KHDRBS2: variants seen among roughly 807,000 people sequenced by gnomAD.
KHDRBS2 encodes KH RNA binding domain containing, signal transduction associated 2, also known as KH domain-containing, RNA-binding, signal transduction-associated protein 2.
Under a neutral mutation model 44.3 loss-of-function variants are expected in KHDRBS2, and 26 were observed. The ratio of observed to expected loss-of-function variants is 0.59; its 90% confidence interval spans 0.43 to 0.81. KHDRBS2 has a LOEUF of 0.81. KHDRBS2 is among the 40% of genes least tolerant of loss of function. The pLI is 0.00. For synonymous variants in KHDRBS2, 194 were observed against 151.1 expected, an observed-to-expected ratio of 1.28 and a Z score of -2.08; for missense variants, 476 against 433.1, an observed-to-expected ratio of 1.10 and a Z score of -0.88.
At chr6:62,184,834 C>G (rs1406257490) in intron 1 of KHDRBS2, among the ~76,000 whole-genome samples, 2 of 151,638 alleles carry the variant, frequency 1.3e-5, no homozygotes, top group East Asian at 3.9e-4. Flanking sequence ...CTTGTACTTG[C>G]TTTTATATAA....
chr6:61,856,819 A>C (rs947589582), intron 6 of KHDRBS2, among the ~76,000 whole-genome samples: 1 of 152,064 alleles, frequency 6.6e-6, no homozygotes, highest in Admixed American at 6.6e-5. Context: ...AGGTCAAGGC[A>C]TATCCCTCGG....
intron 3 of KHDRBS2, among the ~76,000 whole-genome samples, chr6:62,021,130 G>A (rs1386593431): frequency 6.6e-6 from 1 of 151,892 alleles, no homozygotes; most frequent in Non-Finnish European, 1.5e-5. Context: ...GACAAGAACA[G>A]AAATCCAAAT....
At chr6:61,958,287 C>T (rs1456385440) in intron 4 of KHDRBS2, among the ~76,000 whole-genome samples, 1 of 152,082 alleles carries the variant, frequency 6.6e-6, no homozygotes, top group Admixed American at 6.6e-5. Flanking sequence ...GCTGTTTCTG[C>T]ATATCCTGTA....
At chr6:61,877,434 T>C (rs1799577361) in intron 6 of KHDRBS2, among the ~76,000 whole-genome samples, 1 of 141,788 alleles carries the variant, frequency 7.1e-6, no homozygotes, top group Non-Finnish European at 1.5e-5. Context: ...ATCAGAAAGT[T>C]TTTTTTTTGT....
At chr6:61,812,881 G>A (rs146777578) in intron 6 of KHDRBS2, among the ~76,000 whole-genome samples, 70 of 151,870 alleles carry the variant, frequency 4.6e-4, no homozygotes, top group African/African-American at 1.5e-3. Flanking sequence ...CCTTGGCCTC[G>A]GCGTATTTTC....
the KHDRBS2 span, among the ~76,000 whole-genome samples, chr6:61,589,831 A>G: frequency 9.9e-5 from 15 of 152,202 alleles, no homozygotes; most frequent in Admixed American, 2.6e-4. Context: ...TCCCTTACAG[A>G]GGACTATAAA....
At chr6:61,974,551 C>T (rs1772109916) in intron 4 of KHDRBS2, among the ~76,000 whole-genome samples, 2 of 152,166 alleles carry the variant, frequency 1.3e-5, no homozygotes, top group South Asian at 4.2e-4. Context: ...TTTAATACTT[C>T]ACCTCCCAAA....
chr6:62,217,679 T>G (rs1333848830), intron 1 of KHDRBS2, among the ~76,000 whole-genome samples: 1 of 151,872 alleles, frequency 6.6e-6, no homozygotes, highest in African/African-American at 2.4e-5. Flanking sequence ...AGTCTGAGTC[T>G]AATAAAAGTG....
chr6:61,681,129 C>A, intron 8 of KHDRBS2, 69 bp from the exon 9 acceptor site: 1 of 1,028,758 alleles, frequency 9.7e-7, no homozygotes. Flanking sequence ...ATTTAAGACA[C>A]AATAGTTGAC....
chr6:62,118,428 T>C (rs1806807193), intron 2 of KHDRBS2, among the ~76,000 whole-genome samples: 1 of 152,188 alleles, frequency 6.6e-6, no homozygotes, highest in Non-Finnish European at 1.5e-5. Flanking sequence ...TTTTTATTGC[T>C]AAGGAGAATG....
chr6:61,557,388 TAGAG>T, the KHDRBS2 span, among the ~76,000 whole-genome samples: 1 of 152,154 alleles, frequency 6.6e-6, no homozygotes, highest in African/African-American at 2.4e-5. Context: ...AGAATATATA[TAGAG>T]AGTGTCTCTC....
At chr6:62,260,366 T>C (rs1213582679) in intron 1 of KHDRBS2, among the ~76,000 whole-genome samples, 2 of 152,000 alleles carry the variant, frequency 1.3e-5, no homozygotes, top group East Asian at 1.9e-4. Flanking sequence ...TGACCTTTTG[T>C]CAATATAATT....
the KHDRBS2 span, among the ~76,000 whole-genome samples, chr6:61,587,507 C>A: frequency 3.7e-4 from 56 of 152,024 alleles, no homozygotes; most frequent in Non-Finnish European, 6.3e-4. Flanking sequence ...TGTGGTATTT[C>A]AATAGAAAAC....
At chr6:62,230,660 A>C (rs2150158818) in intron 1 of KHDRBS2, among the ~76,000 whole-genome samples, 1 of 152,288 alleles carries the variant, frequency 6.6e-6, no homozygotes, top group East Asian at 1.9e-4. Flanking sequence ...TTAATGTTTA[A>C]TTATTACTAT....
intron 6 of KHDRBS2, among the ~76,000 whole-genome samples, chr6:61,871,897 T>C (rs1325810312): frequency 7.7e-6 from 1 of 129,356 alleles, no homozygotes; most frequent in Non-Finnish European, 1.5e-5. Flanking sequence ...GAATCGTGAG[T>C]ACACATGGAC....
chr6:61,859,950 A>G, intron 6 of KHDRBS2, among the ~76,000 whole-genome samples: 1 of 151,982 alleles, frequency 6.6e-6, no homozygotes, highest in East Asian at 1.9e-4. Flanking sequence ...AAGCCTGAGA[A>G]TGAGAGGAAT....
At chr6:61,817,077 A>T (rs1789075140) in intron 6 of KHDRBS2, 2 of 405,210 alleles carry the variant, frequency 4.9e-6, no homozygotes, top group African/African-American at 2.1e-5. Flanking sequence ...TTCTAAAAAA[A>T]CTTTCCACAA....
chr6:62,227,766 C>CATCTGTTG lies in KHDRBS2; in HGVS notation c.92-50462_92-50455dup, dbSNP rs537930298. Among the ~76,000 whole-genome samples, 381 of 152,294 alleles carry CATCTGTTG rather than the reference C, an allele frequency of 2.5e-3. 3 individuals are homozygous for CATCTGTTG. Among genetic ancestry groups the CATCTGTTG allele is most frequent in the African/African-American group, 8.4e-3 (349 of 41,544 alleles). On this transcript the variant is annotated intron_variant, in intron 1 of 8. Coordinates refer to ENST00000281156, the MANE Select transcript of KHDRBS2 (RefSeq NM_152688.4). ...TGAATTGTATCGAAGGCCTTTTCTG[C>CATCTGTTG]ATCTGTTGAGATGATCATGTGGTTT...
intron 2 of KHDRBS2, among the ~76,000 whole-genome samples, chr6:62,133,541 G>A (rs1315915838): frequency 6.6e-6 from 1 of 152,190 alleles, no homozygotes; most frequent in Non-Finnish European, 1.5e-5. Context: ...GTCCAAGACA[G>A]TAAGTTGGTA....
Sources: allele counts gnomAD v4.1 joint callset (sites outside exome capture counted in the v4.1 genomes callset), GRCh38; gene constraint gnomAD v4.1.1; transcripts MANE v1.5; gene names NCBI Gene and HGNC (gene_info 2026-07-23, HGNC 2026-07-21).